Variants in TTC4 observed in about 807,000 individuals in gnomAD.
The protein encoded by TTC4 is hsp70/Hsp90 co-chaperone CNS1 homolog.
TTC4 carries 36 observed loss-of-function variants against 51.9 expected under a neutral mutation model. That is an observed-to-expected ratio of 0.69 (90% CI 0.53 to 0.92). TTC4 has a LOEUF of 0.92. TTC4 is among the 40% of genes least tolerant of loss of function. The pLI is 0.00. For missense variants in TTC4, 399 were observed against 454.6 expected, an observed-to-expected ratio of 0.88 and a Z score of 1.11; for synonymous variants, 144 against 164.2, an observed-to-expected ratio of 0.88 and a Z score of 0.94.
intron 8 of TTC4, 110 bp downstream of exon 8, chr1:54,733,820 A>C: frequency 1.5e-6 from 1 of 684,936 alleles, no homozygotes. Context: ...ATTATAGTAA[A>C]ATATACATGA....
chr1:54,737,582 G>C lies in TTC4; in HGVS notation c.979G>C (p.Val327Leu), dbSNP rs1427977874. 1 of 1,613,728 alleles carries C rather than the reference G, an allele frequency of 6.2e-7. No individual in the cohort carries two copies. The highest frequency in any genetic ancestry group is 2.2e-5 in the East Asian group (1 of 44,872). ...TCTTGCCCTTCTGTTAATCTTGCAG[G>C]TCTACTTTGAGGATGAGGACAGGGC... ...EQKYCPDNLEVYFEDEDRAEL... is the reference protein window; with the variant it reads ...EQKYCPDNLELYFEDEDRAEL... Residue 327 changes from valine to leucine, a missense_variant and splice_region_variant, in exon 9 of 10, where the codon GTC becomes CTC. Around this residue, in one of 3 missense-constraint regions of TTC4, gnomAD observed 19 missense variants for 43.7 expected, o/e 0.43. Coordinates refer to ENST00000371281, the MANE Select transcript of TTC4 (RefSeq NM_004623.5).
intron 3 of TTC4, among the ~76,000 whole-genome samples, chr1:54,718,963 T>C (rs116085343): frequency 3.6e-3 from 548 of 152,102 alleles, no homozygotes; most frequent in Non-Finnish European, 5.1e-3. Flanking sequence ...TGCTTTGATA[T>C]TTTTCTTTTT....
intron 9 of TTC4, among the ~76,000 whole-genome samples, chr1:54,739,297 C>T (rs535243152): frequency 6.6e-6 from 1 of 152,302 alleles, no homozygotes; most frequent in African/African-American, 2.4e-5. Flanking sequence ...CAAGTGCATG[C>T]CAGTGACCCG....
intron 5 of TTC4, among the ~76,000 whole-genome samples, chr1:54,726,220 A>G (rs1645797248): frequency 6.6e-6 from 1 of 152,190 alleles, no homozygotes; most frequent in African/African-American, 2.4e-5. Flanking sequence ...AGCAAGAGAA[A>G]AATGACTCTT....
In TTC4 at chr1:54,715,985, A is replaced by C. The variant is rs774310096; in HGVS notation, c.77A>C (p.Tyr26Ser). ...SFLEKFQSQP[Y>S]RGGFHEDQWE... ...CTGGAAAAGTTCCAGAGCCAGCCTT[A>C]CCGTGGCGGCTTTCATGAGGACCAG... Residue 26 changes from tyrosine to serine, a missense_variant, in exon 1 of 10, where the codon TAC (tyrosine) becomes TCC (serine). This residue lies in a region of TTC4 where 316 missense variants were observed against 349.6 expected (regional missense o/e 0.90). Coordinates refer to ENST00000371281, the MANE Select transcript of TTC4 (RefSeq NM_004623.5). 31 of 1,600,516 alleles carry C rather than the reference A, an allele frequency of 1.9e-5. No individual in the cohort carries two copies. The highest frequency in any genetic ancestry group is 1.7e-4 in the Middle Eastern group (1 of 5,998).
Position 54,728,346 on chromosome 1 carries a change from C to T in TTC4, c.595C>T (p.Arg199Ter), listed in dbSNP as rs950699349. Residue 199 changes from arginine (R) to a stop codon, truncating the protein, a stop_gained and splice_region_variant, in exon 6 of 10, where the codon CGA becomes TGA. Coordinates refer to ENST00000371281, the MANE Select transcript of TTC4 (RefSeq NM_004623.5). LOFTEE classifies it high-confidence loss of function. The stretch of plus-strand genomic sequence containing the variant: ...TGATGCATCTAAATTTCATTTTTAG[C>T]GAATTGAACAGAGGGATGTGAGGAA... Reference protein sequence around the residue: ...EMRAKADKLKRIEQRDVRKAN... With the variant: ...EMRAKADKLK 2.3e-5 allele frequency: 37 copies of T among 1,610,522 alleles called. No individual in the cohort carries two copies. The East Asian group carries it at 4.0e-4, about 18-fold the overall frequency.
At position 54,733,710 on chromosome 1, in the gene TTC4, G is replaced by A; in HGVS notation, c.978G>A (p.Glu326=). The change falls in exon 8 of 10, where the codon GAG becomes GAA. Residue 326 remains glutamate, a splice_region_variant and synonymous_variant. Transcript: ENST00000371281. ...AAAAATATTGCCCTGATAATTTGGA[G>A]GTAAGAGAAGTTTTATTTCGTTCCT... The part of the protein sequence containing the change: ...LEQKYCPDNL[E]VYFEDEDRAE... 2 of 1,573,730 alleles carry A rather than the reference G, an allele frequency of 1.3e-6. No individual in the cohort carries two copies. The highest frequency in any genetic ancestry group is 1.2e-5 in the South Asian group (1 of 85,608).
At chr1:54,721,786 C>T (rs903785703) in intron 4 of TTC4, among the ~76,000 whole-genome samples, 3 of 152,126 alleles carry the variant, frequency 2.0e-5, no homozygotes, top group African/African-American at 7.2e-5. Context: ...AATGCTTTTT[C>T]AAAATTATGC....
At position 54,737,572 on chromosome 1, in the gene TTC4, A is replaced by G; in HGVS notation, c.979-10A>G. 6.2e-7 allele frequency: 1 copy of G among 1,613,328 alleles called. No individual in the cohort carries two copies. Among genetic ancestry groups the G allele is most frequent in the East Asian group, 2.2e-5 (1 of 44,858 alleles). ...TATCTCTGACTCTTGCCCTTCTGTT[A>G]ATCTTGCAGGTCTACTTTGAGGATG... On this transcript the variant is annotated splice_polypyrimidine_tract_variant and intron_variant, in intron 8 of 9. Coordinates refer to ENST00000371281, the MANE Select transcript of TTC4 (RefSeq NM_004623.5).
At chr1:54,738,196 C>T (rs78759534) in intron 9 of TTC4, among the ~76,000 whole-genome samples, 7,974 of 152,220 alleles carry the variant, frequency 0.052, 536 homozygotes, top group African/African-American at 0.14. Flanking sequence ...CCACCACTCC[C>T]GGTCAAAAAC....
At chr1:54,730,404 G>T (rs1215311903) in intron 6 of TTC4, among the ~76,000 whole-genome samples, 2 of 152,100 alleles carry the variant, frequency 1.3e-5, no homozygotes, top group East Asian at 3.9e-4. Context: ...TGGTTAAAGG[G>T]AGGAGTCAGC....
intron 2 of TTC4, among the ~76,000 whole-genome samples, chr1:54,717,256 TC>T (rs1341459564): frequency 2.0e-5 from 3 of 152,188 alleles, no homozygotes; most frequent in Non-Finnish European, 4.4e-5. Flanking sequence ...CCTTTATACT[TC>T]TTTTTTTTGG....
At chr1:54,734,634 C>T (rs1189483292) in intron 8 of TTC4, among the ~76,000 whole-genome samples, 1 of 152,138 alleles carries the variant, frequency 6.6e-6, no homozygotes, top group Non-Finnish European at 1.5e-5. Context: ...AAGTGATCCG[C>T]CCTCCTTGGC....
At position 54,735,588 on chromosome 1, in the gene TTC4, G is replaced by A. The variant is rs79251750; in HGVS notation, c.978+1878G>A. ...GTATTCTCATTGCACCTATCAGATGGTACATAATCTCCATTTGTCCCATTA... is the reference window on the plus strand; with the variant it reads ...GTATTCTCATTGCACCTATCAGATGATACATAATCTCCATTTGTCCCATTA... On this transcript the variant is annotated intron_variant, in intron 8 of 9. Transcript: ENST00000371281. 1.9e-3 allele frequency among the ~76,000 whole-genome samples: 294 copies of A among 152,184 alleles called. 1 individual carries two copies. The highest frequency in any genetic ancestry group is 6.9e-3 in the African/African-American group (288 of 41,518).
chr1:54,737,219 C>T lies in TTC4; in HGVS notation c.979-363C>T, dbSNP rs3737828. ...CTCCTTCTTCAGGCTCTTTCCTTCT[C>T]TGAGCCACCATAGCTTTCTCCTCCA... On this transcript the variant is annotated intron_variant, in intron 8 of 9. Transcript: ENST00000371281. 5.3e-3 allele frequency: 931 copies of T among 176,986 alleles called. 47 individuals are homozygous for T. The East Asian group carries it at 0.12, about 24-fold the overall frequency. 11.0% of individuals were successfully genotyped at this position (176,986 alleles called of 1,614,324 possible). A position where few individuals can be genotyped will look rare whatever the true frequency, so the allele number is the denominator to read the frequency against.
At chr1:54,732,367 A>G (rs1048395500) in intron 7 of TTC4, among the ~76,000 whole-genome samples, 11 of 150,612 alleles carry the variant, frequency 7.3e-5, no homozygotes, top group Admixed American at 1.3e-4. Context: ...TCTTTGATAG[A>G]TATGTATATA....
In TTC4 at chr1:54,717,591, G is replaced by T. The variant is rs148826272; in HGVS notation, c.329G>T (p.Cys110Phe). ...ISYTEGLKKK[C>F]ADPDLNAVLY... ...TACACTGAAGGCTTAAAGAAGAAAT[G>T]TGCAGATCCTGATTTGAATGCTGTC... Residue 110 changes from cysteine to phenylalanine, a missense_variant, in exon 3 of 10, where the codon TGT (cysteine) becomes TTT (phenylalanine). Cys to Phe is a radical substitution (Grantham distance 205, BLOSUM62 -2). Transcript: ENST00000371281. 90 of 1,612,042 alleles carry T rather than the reference G, an allele frequency of 5.6e-5. No homozygotes were observed. Among genetic ancestry groups the T allele is most frequent in the Non-Finnish European group, 6.7e-5 (79 of 1,179,348 alleles).
chr1:54,736,210 GAGAGA>G (rs1270754341), intron 8 of TTC4, among the ~76,000 whole-genome samples: 47 of 106,942 alleles, frequency 4.4e-4, no homozygotes, highest in African/African-American at 1.7e-3. Flanking sequence ...GAGAGAGAGA[GAGAGA>G]GAGAGAGAAG....
intron 5 of TTC4, among the ~76,000 whole-genome samples, chr1:54,724,985 A>G (rs1366895872): frequency 2.0e-5 from 3 of 152,164 alleles, no homozygotes; most frequent in Non-Finnish European, 2.9e-5. Context: ...AACTTGCTCT[A>G]TTCTCATCTC....
Sources: gnomAD v4.1 joint callset for allele counts (sites outside exome capture counted in the v4.1 genomes callset) on GRCh38, gnomAD v4.1.1 for gene constraint, gnomAD v4.1.1 regional missense constraint, MANE v1.5 for transcripts, NCBI Gene and HGNC (gene_info 2026-07-23, HGNC 2026-07-21) for gene names.